The following GEN1 variants were observed in gnomAD, a reference collection of about 807,000 sequenced individuals.
GEN1 encodes the protein flap endonuclease GEN homolog 1.
GEN1 carries 64 observed loss-of-function variants against 67.6 expected under a neutral mutation model. That is an observed-to-expected ratio of 0.95 (90% CI 0.77 to 1.17). GEN1 has a LOEUF of 1.17. Among genes scored for constraint, GEN1 ranks in the 50% most tolerant of loss-of-function variants. The pLI is 0.00. For missense variants in GEN1, 1,058 were observed against 1,048.3 expected (o/e 1.01, Z -0.13); for synonymous variants, 371 against 359.4 (o/e 1.03, Z -0.37).
rs71859855 is a variant in GEN1 at position 17,778,313 on chromosome 2, TACAC to T, written c.1264+257_1264+260del. On this transcript the variant is annotated intron_variant, in intron 12 of 13. Transcript: ENST00000381254. ...ACATGTGTGTGTACATATATGTATA[TACAC>T]ACACACGTGTACATATATGTATACA... Among the ~76,000 whole-genome samples the T allele has an allele frequency of 4.7e-3, 183 of 39,098 alleles. 62 individuals are homozygous for T. The highest frequency in any genetic ancestry group is 0.012 in the Admixed American group (36 of 3,030). 25.6% of individuals were successfully genotyped at this position (39,098 alleles called of 152,430 possible).
At chr2:17,757,485 C>G (rs1671487033) in intron 1 of GEN1, among the ~76,000 whole-genome samples, 1 of 152,052 alleles carries the variant, frequency 6.6e-6, no homozygotes, top group Non-Finnish European at 1.5e-5. Flanking sequence ...CATCACTGCA[C>G]TAGGTGGCAA....
intron 10 of GEN1, among the ~76,000 whole-genome samples, chr2:17,773,937 T>C (rs115897949): frequency 0.024 from 3,612 of 152,248 alleles, 51 homozygotes; most frequent in African/African-American, 0.04. Context: ...TTTGCTGTTA[T>C]GTTTAATGCA....
chr2:17,775,134 TTG>T (rs1672369278), intron 11 of GEN1, among the ~76,000 whole-genome samples: 1 of 152,198 alleles, frequency 6.6e-6, no homozygotes, highest in Admixed American at 6.5e-5. Flanking sequence ...GTGGGTGTGG[TTG>T]GCCTTTCAGA....
chr2:17,770,490 T>G (rs937546566), intron 6 of GEN1, among the ~76,000 whole-genome samples: 8 of 152,136 alleles, frequency 5.3e-5, no homozygotes, highest in African/African-American at 1.9e-4. Context: ...CTTCAACTTG[T>G]TTAAGTAGAG....
chr2:17,761,661 A>G, intron 3 of GEN1, 79 bp downstream of exon 3: 1 of 937,622 alleles, frequency 1.1e-6, no homozygotes. Context: ...GTCATCTTTA[A>G]TACTTATTAA....
At position 17,764,955 on chromosome 2, in the gene GEN1, A is replaced by G; in HGVS notation, c.407A>G (p.Glu136Gly). ...TGGGTTCAGGCTGCTGGGGAAGCTG[A>G]AGCCATGTGTGCTTATCTCAATGCT... is the stretch of plus-strand genomic sequence containing the variant. ...IPWVQAAGEA[E>G]AMCAYLNAGG... Residue 136 changes from glutamate to glycine, a missense_variant, in exon 4 of 14, where the codon GAA (glutamate) becomes GGA (glycine). Transcript: ENST00000381254. 1 of 1,614,160 alleles carries G rather than the reference A, an allele frequency of 6.2e-7. No homozygotes were observed.
At chr2:17,767,404 A>G (rs1194453514) in intron 5 of GEN1, among the ~76,000 whole-genome samples, 2 of 152,222 alleles carry the variant, frequency 1.3e-5, no homozygotes, top group African/African-American at 4.8e-5. Context: ...CAAGAGAAGT[A>G]TAAAGAAGAA....
In GEN1 at chr2:17,787,513, T is replaced by C. The variant is rs1405408904; in HGVS notation, c.*5574T>C. The C allele has an allele frequency of 1.3e-5, 2 of 152,254 alleles. No homozygotes were observed. The highest frequency in any genetic ancestry group is 2.9e-5 in the Non-Finnish European group (2 of 68,060). The allele number at this position is 152,254 out of a possible 1,614,324, so 9.4% of individuals were successfully genotyped here. On this transcript the variant is annotated 3_prime_UTR_variant, in exon 14 of 14. Transcript: ENST00000381254. ...GTCCCCATAGACTTCTAAAATATTA[T>C]CTGTCTATAGTTTTGTGTTGGGTTA...
chr2:17,778,230 A>C (rs906930970), intron 12 of GEN1, among the ~76,000 whole-genome samples, 167 bp downstream of exon 12: 1 of 131,660 alleles, frequency 7.6e-6, no homozygotes, highest in African/African-American at 3.2e-5. Context: ...ACACACACAT[A>C]TATGTGTGTA....
intron 3 of GEN1, among the ~76,000 whole-genome samples, chr2:17,762,177 T>C (rs1030583434): frequency 1.3e-5 from 2 of 150,732 alleles, no homozygotes; most frequent in African/African-American, 4.9e-5. Flanking sequence ...AGGAAGCTTT[T>C]TTTTTTCTGT....
chr2:17,761,667 A>G, intron 3 of GEN1, 85 bp downstream of exon 3: 3 of 877,112 alleles, frequency 3.4e-6, no homozygotes, highest in Admixed American at 2.7e-5. Flanking sequence ...TTTAATACTT[A>G]TTAATTTTAT....
Position 17,786,112 on chromosome 2 carries a change from T to C in GEN1, c.*4173T>C, listed in dbSNP as rs572413592. The C allele has an allele frequency of 1.3e-5, 2 of 152,284 alleles. No homozygotes were observed. Among genetic ancestry groups the C allele is most frequent in the Admixed American group, 1.3e-4 (2 of 15,292 alleles). The allele number at this position is 152,284 out of a possible 1,614,324, so 9.4% of individuals were successfully genotyped here. A position where few individuals can be genotyped will look rare whatever the true frequency, so the allele number is the denominator to read the frequency against. On this transcript the variant is annotated 3_prime_UTR_variant, in exon 14 of 14. Coordinates refer to ENST00000381254, the MANE Select transcript of GEN1 (RefSeq NM_001130009.3). ...ATTCAAATGTTTATGTGACAGGCAT[T>C]GTGCTGGGCCCTGGAGATACAGTGA...
intron 11 of GEN1, among the ~76,000 whole-genome samples, chr2:17,776,115 CAAAAAAAAAA>C (rs34705905): frequency 1.2e-5 from 1 of 80,694 alleles, no homozygotes; most frequent in East Asian, 3.8e-4. Flanking sequence ...GACCCTGTCT[CAAAAAAAAAA>C]AAAAAAAAAA....
rs1452297336 is a variant in GEN1 at position 17,772,671 on chromosome 2, A to G, written c.840A>G (p.Leu280=). The part of the protein sequence containing the change: ...PKDHERNGCR[L]CKSDKYCEPH... Reference sequence around the variant, plus strand: ...ATCATGAACGTAATGGATGCAGATTATGTAAAAGTGATAAATATTGTGAGC... The same window carrying G: ...ATCATGAACGTAATGGATGCAGATTGTGTAAAAGTGATAAATATTGTGAGC... The change falls in exon 8 of 14, where the codon TTA becomes TTG. Residue 280 remains leucine, a synonymous_variant. Coordinates refer to ENST00000381254, the MANE Select transcript of GEN1 (RefSeq NM_001130009.3). 6.2e-7 allele frequency: 1 copy of G among 1,612,180 alleles called. No individual in the cohort carries two copies. The highest frequency in any genetic ancestry group is 1.1e-5 in the South Asian group (1 of 90,940).
At position 17,786,683 on chromosome 2, in the gene GEN1, A is replaced by C. The variant is rs1023652084; in HGVS notation, c.*4744A>C. On this transcript the variant is annotated 3_prime_UTR_variant, in exon 14 of 14. Coordinates refer to ENST00000381254, the MANE Select transcript of GEN1 (RefSeq NM_001130009.3). ...CCATACATCATTCAGTTCTTGACTC[A>C]AATATCACCTCAGAGAGTCCTAATC... 1 of 152,198 alleles carries C rather than the reference A, an allele frequency of 6.6e-6. No homozygotes were observed. The highest frequency in any genetic ancestry group is 1.5e-5 in the Non-Finnish European group (1 of 68,034). 9.4% of individuals were successfully genotyped at this position (152,198 alleles called of 1,614,324 possible).
intron 6 of GEN1, among the ~76,000 whole-genome samples, chr2:17,770,038 T>C (rs1452941997): frequency 6.6e-6 from 1 of 152,110 alleles, no homozygotes; most frequent in African/African-American, 2.4e-5. Flanking sequence ...CTTCAGTAAA[T>C]CCATTATTGA....
chr2:17,761,965 T>A (rs1671702023), intron 3 of GEN1, among the ~76,000 whole-genome samples: 1 of 152,178 alleles, frequency 6.6e-6, no homozygotes, highest in Admixed American at 6.5e-5. Flanking sequence ...ATACATGAGA[T>A]CTCATTAATT....
At chr2:17,760,133 G>T in intron 2 of GEN1, 29 bp downstream of exon 2, 1 of 1,595,446 alleles carries the variant, frequency 6.3e-7, no homozygotes, top group South Asian at 1.1e-5. Context: ...CAGTATAAAT[G>T]TATGATGTAT....
rs776353760 is a variant in GEN1, at chr2:17,788,846, CT to C, written c.*6911del. 8 of 152,180 alleles carry C rather than the reference CT, an allele frequency of 5.3e-5. No individual in the cohort carries two copies. The highest frequency in any genetic ancestry group is 9.7e-5 in the African/African-American group (4 of 41,436). The allele number at this position is 152,180 out of a possible 1,614,324, so 9.4% of individuals were successfully genotyped here. On this transcript the variant is annotated 3_prime_UTR_variant, in exon 14 of 14. Transcript: ENST00000381254. ...GAGGGGAGACTACAAGTCCCTTTGC[CT>C]TTTAGTTTTCAAGCAATACTGGTTG... is the stretch of plus-strand genomic sequence containing the variant.
Sources: gnomAD v4.1 joint callset for allele counts (sites outside exome capture counted in the v4.1 genomes callset) on GRCh38, gnomAD v4.1.1 for gene constraint, MANE v1.5 for transcripts, NCBI Gene and HGNC (gene_info 2026-07-23, HGNC 2026-07-21) for gene names.